NRXN3: variants seen among roughly 807,000 people sequenced by gnomAD.
NRXN3 encodes neurexin 3.
NRXN3 carries 32 observed loss-of-function variants against 137.6 expected under a neutral mutation model. The observed-to-expected ratio is 0.23, with a 90% CI of 0.18 to 0.31. The LOEUF (loss-of-function observed/expected upper bound fraction) is 0.31. Ranked by LOEUF, NRXN3 falls within the 10% of genes least tolerant of loss-of-function variation. The pLI is 1.00. For synonymous variants in NRXN3, 798 were observed against 784.5 expected (o/e 1.02, Z -0.29); for missense variants, 1,574 against 2,062.5 (o/e 0.76, Z 4.59).
intron 10 of NRXN3, among the ~76,000 whole-genome samples, chr14:78,929,960 T>G (rs1455460830): frequency 6.6e-6 from 1 of 152,212 alleles, no homozygotes; most frequent in Non-Finnish European, 1.5e-5. Context: ...CAAGTGCTTC[T>G]AGACCATTGC....
At chr14:78,907,802 C>T (rs192926055) in intron 10 of NRXN3, among the ~76,000 whole-genome samples, 10 of 151,890 alleles carry the variant, frequency 6.6e-5, no homozygotes, top group Admixed American at 6.6e-4. Context: ...CACCCTCCAC[C>T]CTCTGAAAGG....
At chr14:78,264,823 T>A (rs1479365160) in intron 2 of NRXN3, among the ~76,000 whole-genome samples, 3 of 152,214 alleles carry the variant, frequency 2.0e-5, no homozygotes, top group Non-Finnish European at 4.4e-5. Flanking sequence ...GCTCAGCCAG[T>A]GTAGTGGGTC....
chr14:78,803,961 A>G (rs1440811483), intron 9 of NRXN3, 138 bp downstream of exon 9: 2 of 808,216 alleles, frequency 2.5e-6, no homozygotes, highest in Non-Finnish European at 4.1e-6. Flanking sequence ...ACCCAGGATA[A>G]AACCCAACAG....
At chr14:79,112,951 A>G (rs1335279607) in intron 15 of NRXN3, among the ~76,000 whole-genome samples, 1 of 152,182 alleles carries the variant, frequency 6.6e-6, no homozygotes, top group Non-Finnish European at 1.5e-5. Context: ...GAGAGAATGG[A>G]CATTGTTACC....
chr14:79,792,514 C>G (rs1021308542), intron 19 of NRXN3, among the ~76,000 whole-genome samples: 2 of 152,046 alleles, frequency 1.3e-5, no homozygotes, highest in African/African-American at 4.8e-5. Flanking sequence ...TCCTTTGCTC[C>G]CTAGAAGACT....
rs962798943 is a variant in NRXN3 at position 79,406,573 on chromosome 14, G to C, written c.3263-60648G>C. 6.0e-4 allele frequency among the ~76,000 whole-genome samples: 91 copies of C among 152,170 alleles called. 2 individuals are homozygous for C. The highest frequency in any genetic ancestry group is 5.6e-3 in the Admixed American group (86 of 15,276). On this transcript the variant is annotated intron_variant, in intron 15 of 20. Coordinates refer to ENST00000335750, the MANE Select transcript of NRXN3 (RefSeq NM_001330195.2). The stretch of plus-strand genomic sequence containing the variant: ...CCTCCTCGGCCTCTTAAAGTGCTGG[G>C]ATTACAGGCATCAGCCACTACTTCT...
At chr14:78,741,972 A>G (rs534360954) in intron 8 of NRXN3, among the ~76,000 whole-genome samples, 2 of 152,256 alleles carry the variant, frequency 1.3e-5, no homozygotes, top group South Asian at 2.1e-4. Context: ...AAACCCTGGA[A>G]TGTTGGTGTC....
chr14:78,569,360 G>T (rs1218898628), intron 4 of NRXN3, among the ~76,000 whole-genome samples: 1 of 151,302 alleles, frequency 6.6e-6, no homozygotes, highest in Non-Finnish European at 1.5e-5. Context: ...CCGCCTCCCG[G>T]GTTCACGCCA....
intron 19 of NRXN3, among the ~76,000 whole-genome samples, chr14:79,767,412 T>C (rs1267379586): frequency 6.6e-6 from 1 of 152,210 alleles, no homozygotes; most frequent in Non-Finnish European, 1.5e-5. Flanking sequence ...CAGAGAAATC[T>C]TCCCTGAGTT....
chr14:79,759,462 C>T (rs548831634), intron 19 of NRXN3, among the ~76,000 whole-genome samples: 27 of 151,480 alleles, frequency 1.8e-4, no homozygotes, highest in Non-Finnish European at 3.1e-4. Flanking sequence ...AAATACCTTA[C>T]GTATACTTCT....
chr14:78,652,367 C>T (rs1416918280), intron 6 of NRXN3, among the ~76,000 whole-genome samples: 1 of 152,136 alleles, frequency 6.6e-6, no homozygotes, highest in African/African-American at 2.4e-5. Flanking sequence ...GAGCTTCAGC[C>T]AAGTGTAAGT....
chr14:79,510,642 G>A (rs2096923733), intron 16 of NRXN3, among the ~76,000 whole-genome samples: 1 of 152,122 alleles, frequency 6.6e-6, no homozygotes, highest in African/African-American at 2.4e-5. Context: ...AACTACCCAG[G>A]AGGGTAGATT....
chr14:79,739,693 A>G (rs980979197), intron 19 of NRXN3, among the ~76,000 whole-genome samples: 1 of 144,848 alleles, frequency 6.9e-6, no homozygotes, highest in African/African-American at 2.5e-5. Flanking sequence ...CAGGCCTCCA[A>G]TGGTGCGATC....
chr14:79,130,275 G>A (rs1288036437), intron 15 of NRXN3, among the ~76,000 whole-genome samples: 3 of 152,098 alleles, frequency 2.0e-5, no homozygotes, highest in South Asian at 2.1e-4. Flanking sequence ...TCCTAGTCTC[G>A]ATGGTCTTTA....
chr14:78,877,485 C>G (rs1487989590), intron 10 of NRXN3, among the ~76,000 whole-genome samples: 4 of 152,136 alleles, frequency 2.6e-5, no homozygotes, highest in Non-Finnish European at 4.4e-5. Flanking sequence ...AAAATACATA[C>G]TGCCTTGTAG....
At chr14:78,989,707 T>C (rs1282742630) in intron 15 of NRXN3, among the ~76,000 whole-genome samples, 1 of 152,188 alleles carries the variant, frequency 6.6e-6, no homozygotes, top group Non-Finnish European at 1.5e-5. Flanking sequence ...AATTTGTCAG[T>C]ATAGCACTCA....
intron 15 of NRXN3, among the ~76,000 whole-genome samples, chr14:79,285,621 C>T (rs2082107023): frequency 6.6e-6 from 1 of 152,162 alleles, no homozygotes; most frequent in South Asian, 2.1e-4. Context: ...TCACCTTGAT[C>T]TACATGCATG....
intron 7 of NRXN3, among the ~76,000 whole-genome samples, chr14:78,711,587 C>A (rs1296765076): frequency 1.3e-5 from 2 of 151,872 alleles, no homozygotes; most frequent in Non-Finnish European, 2.9e-5. Flanking sequence ...ATTACAGGCA[C>A]CCTCCACCAA....
chr14:78,554,255 A>G (rs1024288867), intron 4 of NRXN3, among the ~76,000 whole-genome samples: 1 of 152,072 alleles, frequency 6.6e-6, no homozygotes, highest in East Asian at 1.9e-4. Flanking sequence ...AATACATTGA[A>G]CCTATTCAGC....
Sources: gnomAD v4.1 joint callset for allele counts (sites outside exome capture counted in the v4.1 genomes callset) on GRCh38, gnomAD v4.1.1 for gene constraint, MANE v1.5 for transcripts, NCBI Gene and HGNC (gene_info 2026-07-23, HGNC 2026-07-21) for gene names.